CORIN: variants seen among roughly 807,000 people sequenced by gnomAD.
CORIN encodes the protein corin, serine peptidase, also known as atrial natriuretic peptide-converting enzyme.
Under a neutral mutation model 125.3 loss-of-function variants are expected in CORIN, and 117 were observed. The ratio of observed to expected loss-of-function variants is 0.93; its 90% CI spans 0.80 to 1.09. The LOEUF (loss-of-function observed/expected upper bound fraction) is 1.09, where lower values mean the gene tolerates loss of function less well. Ranked by LOEUF, CORIN falls within the 50% of genes least tolerant of loss-of-function variation. The pLI, the probability that CORIN is intolerant of heterozygous loss-of-function variation, is 0.00. For synonymous variants in CORIN, 450 were observed against 466.4 expected (o/e 0.96, Z 0.45); for missense variants, 1,253 against 1,306.7 (o/e 0.96, Z 0.63).
At chr4:47,650,995 G>T (rs185633227) in intron 13 of CORIN, among the ~76,000 whole-genome samples, 7 of 152,198 alleles carry the variant, frequency 4.6e-5, no homozygotes, top group Non-Finnish European at 8.8e-5. Context: ...AAGAGCTGGA[G>T]ACATTTAAGA....
At chr4:47,763,734 T>A in intron 3 of CORIN, 148 bp from the exon 4 acceptor site, 1 of 624,416 alleles carries the variant, frequency 1.6e-6, no homozygotes, top group Non-Finnish European at 2.8e-6. Flanking sequence ...CATGTAAGTA[T>A]GTGTATGTGT....
At position 47,837,971 on chromosome 4, in the gene CORIN, C is replaced by T; in HGVS notation, c.-22G>A. ...TCATGGATAAAAAGTCTCGCTTATT[C>T]TTCTGTCCACTTTTATCTTGGTCGC... On this transcript the variant is annotated 5_prime_UTR_variant, in exon 1 of 22. Coordinates refer to ENST00000273857, the MANE Select transcript of CORIN (RefSeq NM_006587.4). The T allele has an allele frequency of 1.9e-6, 3 of 1,609,862 alleles. No individual in the cohort carries two copies. Among genetic ancestry groups the T allele is most frequent in the Non-Finnish European group, 2.5e-6 (3 of 1,179,982 alleles).
At chr4:47,817,297 T>A (rs201925489) in intron 1 of CORIN, among the ~76,000 whole-genome samples, 5 of 25,264 alleles carry the variant, frequency 2.0e-4, no homozygotes, top group Middle Eastern at 0.019. Flanking sequence ...TATAACAAAA[T>A]ATATATATAT....
intron 16 of CORIN, among the ~76,000 whole-genome samples, chr4:47,636,082 A>C (rs995967177): frequency 5.3e-5 from 8 of 152,220 alleles, no homozygotes; most frequent in Admixed American, 1.3e-4. Context: ...ACTAGTAGGT[A>C]ATATAATAGA....
In CORIN at chr4:47,683,914, C is replaced by G. The variant is rs1249778086; in HGVS notation, c.914-76G>C. The G allele has an allele frequency of 4.6e-6, 5 of 1,097,282 alleles. No homozygotes were observed. The East Asian group carries it at 1.2e-4, about 26-fold the overall frequency. The allele number at this position is 1,097,282 out of a possible 1,614,324, so 68.0% of individuals were successfully genotyped here. A position where few individuals can be genotyped will look rare whatever the true frequency, so the allele number is the denominator to read the frequency against. On this transcript the variant is annotated intron_variant, in intron 6 of 21. Transcript: ENST00000273857. ...ATTGTAGTACGATATTTAACAAAAGCCAATCATGGAAGGGACACCCTAATG... is the reference window on the plus strand; with the variant it reads ...ATTGTAGTACGATATTTAACAAAAGGCAATCATGGAAGGGACACCCTAATG...
intron 16 of CORIN, among the ~76,000 whole-genome samples, chr4:47,632,725 TGATAGATAGATAGATA>T (rs1553905875): frequency 0.019 from 2,464 of 126,752 alleles, 38 homozygotes; most frequent in Middle Eastern, 0.057. Context: ...TGACAATAGA[TGATAGATAGATAGATA>T]GATAGATAGA....
chr4:47,820,713 C>A (rs922357800), intron 1 of CORIN, among the ~76,000 whole-genome samples: 2 of 152,036 alleles, frequency 1.3e-5, no homozygotes, highest in African/African-American at 4.8e-5. Flanking sequence ...ATGTAAAACA[C>A]ATGAGAAAGT....
intron 5 of CORIN, among the ~76,000 whole-genome samples, chr4:47,728,882 G>A (rs993367416): frequency 3.3e-5 from 5 of 152,190 alleles, no homozygotes; most frequent in Admixed American, 1.3e-4. Flanking sequence ...AGCTAGCTTG[G>A]CAAGAGAGTG....
At chr4:47,751,993 C>A (rs1157712390) in intron 4 of CORIN, among the ~76,000 whole-genome samples, 5 of 151,968 alleles carry the variant, frequency 3.3e-5, no homozygotes, top group African/African-American at 1.2e-4. Flanking sequence ...GCAACAGTAA[C>A]TGCTTGCAGG....
At chr4:47,777,734 C>T (rs1330907559) in intron 3 of CORIN, among the ~76,000 whole-genome samples, 2 of 152,158 alleles carry the variant, frequency 1.3e-5, no homozygotes, top group Non-Finnish European at 2.9e-5. Context: ...AAGTGGATTG[C>T]GTCAAATTGA....
At chr4:47,810,059 A>T (rs1731999783) in intron 1 of CORIN, among the ~76,000 whole-genome samples, 1 of 152,192 alleles carries the variant, frequency 6.6e-6, no homozygotes, top group Non-Finnish European at 1.5e-5. Context: ...ATTCCATGGC[A>T]AGGGTAGGGA....
intron 19 of CORIN, among the ~76,000 whole-genome samples, chr4:47,618,744 A>T (rs1240593261): frequency 2.0e-5 from 3 of 151,778 alleles, no homozygotes; most frequent in African/African-American, 7.3e-5. Flanking sequence ...GCATGAACCC[A>T]GGAGGCGGAG....
chr4:47,750,735 C>T (rs1728862942), intron 4 of CORIN, among the ~76,000 whole-genome samples: 1 of 152,182 alleles, frequency 6.6e-6, no homozygotes, highest in Non-Finnish European at 1.5e-5. Context: ...CCCAAACTGT[C>T]TATTCTCCCA....
At chr4:47,639,144 G>A (rs1317158) in intron 16 of CORIN, among the ~76,000 whole-genome samples, 39,736 of 136,726 alleles carry the variant, frequency 0.29, 5,429 homozygotes, top group Admixed American at 0.38. Context: ...TGCTGGTTCC[G>A]GACCCTACAT....
intron 5 of CORIN, among the ~76,000 whole-genome samples, chr4:47,733,274 C>G (rs188723763): frequency 3.3e-5 from 5 of 152,296 alleles, no homozygotes; most frequent in African/African-American, 1.2e-4. Context: ...ACATGCTCAG[C>G]GCCTTCACGA....
intron 4 of CORIN, among the ~76,000 whole-genome samples, chr4:47,748,004 G>C (rs1430407611): frequency 6.6e-6 from 1 of 152,036 alleles, no homozygotes; most frequent in East Asian, 1.9e-4. Flanking sequence ...AATACCATTA[G>C]GCCCTCCATT....
intron 1 of CORIN, among the ~76,000 whole-genome samples, chr4:47,807,708 G>A (rs1235102045): frequency 1.3e-5 from 2 of 152,132 alleles, no homozygotes; most frequent in East Asian, 1.9e-4. Flanking sequence ...GTGCAACAAC[G>A]ACGGTTCAGA....
chr4:47,624,965 T>C (rs1722490464), intron 17 of CORIN, among the ~76,000 whole-genome samples: 2 of 152,238 alleles, frequency 1.3e-5, no homozygotes, highest in African/African-American at 4.8e-5. Context: ...TAAATTTATG[T>C]AGGGGCAAGT....
At chr4:47,701,808 A>G (rs1224107938) in intron 5 of CORIN, among the ~76,000 whole-genome samples, 1 of 137,548 alleles carries the variant, frequency 7.3e-6, no homozygotes, top group Middle Eastern at 3.3e-3. Flanking sequence ...TTTGGAAGGA[A>G]GGAAGGAAGG....
Sources: gnomAD v4.1 joint callset for allele counts (sites outside exome capture counted in the v4.1 genomes callset) on GRCh38, gnomAD v4.1.1 for gene constraint, MANE v1.5 for transcripts, NCBI Gene and HGNC (gene_info 2026-07-23, HGNC 2026-07-21) for gene names.